The following CNN3 variants were observed in gnomAD, a reference collection of about 807,000 sequenced individuals.
CNN3 encodes the protein calponin-3.
A neutral mutation model predicts 39.0 loss-of-function variants in CNN3; 11 were observed. The ratio of observed to expected loss-of-function variants is 0.28; its 90% CI spans 0.18 to 0.47. The LOEUF is 0.47. CNN3 is among the 20% of genes least tolerant of loss of function. CNN3 has a pLI of 0.99. For missense variants in CNN3, 266 were observed against 403.4 expected, an observed-to-expected ratio of 0.66 and a Z score of 2.92; for synonymous variants, 101 against 138.3, an observed-to-expected ratio of 0.73 and a Z score of 1.89.
chr1:94,902,458 C>T (rs1250193590), intron 3 of CNN3, among the ~76,000 whole-genome samples, 200 bp from the exon 4 acceptor site: 1 of 152,174 alleles, frequency 6.6e-6, no homozygotes, highest in Non-Finnish European at 1.5e-5. Context: ...CTGTGGGTCA[C>T]ATCACAGTCT....
chr1:94,907,784 C>T (rs556549396), intron 1 of CNN3, among the ~76,000 whole-genome samples: 26 of 152,270 alleles, frequency 1.7e-4, no homozygotes, highest in Middle Eastern at 6.8e-3. Flanking sequence ...GGTGTGAACC[C>T]GGGAGGCGGG....
chr1:94,917,099 C>T (rs993377078), intron 1 of CNN3, among the ~76,000 whole-genome samples: 10 of 152,108 alleles, frequency 6.6e-5, no homozygotes, highest in Admixed American at 1.3e-4. Flanking sequence ...TGCAATGGCG[C>T]GATCTTGGCT....
At chr1:94,923,150 G>A (rs1006833844) in intron 1 of CNN3, among the ~76,000 whole-genome samples, 6 of 152,136 alleles carry the variant, frequency 3.9e-5, no homozygotes, top group Admixed American at 1.3e-4. Flanking sequence ...CCAACTTTAC[G>A]GGAAACTACC....
Position 94,903,179 on chromosome 1 carries a change from G to C in CNN3, c.189C>G (p.Asn63Lys). 1 of 1,612,830 alleles carries C rather than the reference G, an allele frequency of 6.2e-7. No individual in the cohort carries two copies. Among genetic ancestry groups the C allele is most frequent in the Non-Finnish European group, 8.5e-7 (1 of 1,179,460 alleles). ...TCTTCACTGAGCCTGGCTGTAGCTT[G>C]TTTATAAGTCTGAAAAGAAAAATAT... ...KDGIILCELI[N>K]KLQPGSVKKV... The change falls in exon 3 of 7, where the codon AAC becomes AAG. Residue 63 changes from asparagine to lysine, a missense_variant. Transcript: ENST00000370206.
chr1:94,903,474 T>C lies in CNN3; in HGVS notation c.108A>G (p.Ile36Met). ...HQAEEDLRNW[I>M]EEVTGMSIGP... ...CAATGCTCATGCCTGTCACCTCTTC[T>C]ATCCAATTGCGAAGATCTTCTTCTG... Residue 36 changes from isoleucine to methionine, a missense_variant, in exon 2 of 7, where the codon ATA becomes ATG. Transcript: ENST00000370206. The C allele has an allele frequency of 1.9e-6, 3 of 1,613,812 alleles. No individual in the cohort carries two copies. Among genetic ancestry groups the C allele is most frequent in the Non-Finnish European group, 2.5e-6 (3 of 1,179,856 alleles).
At chr1:94,904,239 G>A (rs752195966) in intron 1 of CNN3, among the ~76,000 whole-genome samples, 1 of 151,852 alleles carries the variant, frequency 6.6e-6, no homozygotes, top group Non-Finnish European at 1.5e-5. Context: ...AAAAATAAAG[G>A]CCAACTTACC....
At position 94,927,027 on chromosome 1, in the gene CNN3, G is replaced by T; in HGVS notation, c.-133C>A. On this transcript the variant is annotated 5_prime_UTR_variant, in exon 1 of 7. Transcript: ENST00000370206. The stretch of plus-strand genomic sequence containing the variant: ...CCCTCCTCTGGGAGGCGCAGGAGAC[G>T]GCCGCGGGGCGCGGGCGGTGCCTGG... 3.1e-6 allele frequency: 3 copies of T among 976,480 alleles called. No individual in the cohort carries two copies. The highest frequency in any genetic ancestry group is 1.7e-5 in the South Asian group (1 of 60,440). The allele number at this position is 976,480 out of a possible 1,614,324, so 60.5% of individuals were successfully genotyped here.
At chr1:94,917,367 ATAAT>A (rs1671312366) in intron 1 of CNN3, among the ~76,000 whole-genome samples, 1 of 152,140 alleles carries the variant, frequency 6.6e-6, no homozygotes, top group African/African-American at 2.4e-5. Context: ...CTATTATCAA[ATAAT>A]TTGTGGAAAA....
intron 5 of CNN3, among the ~76,000 whole-genome samples, chr1:94,900,447 C>G (rs1290888596): frequency 6.6e-6 from 1 of 152,126 alleles, no homozygotes; most frequent in Non-Finnish European, 1.5e-5. Context: ...TTTTAAAAAT[C>G]CATACTGACC....
At chr1:94,905,553 T>C (rs1473185269) in intron 1 of CNN3, among the ~76,000 whole-genome samples, 1 of 152,168 alleles carries the variant, frequency 6.6e-6, no homozygotes, top group East Asian at 1.9e-4. Flanking sequence ...TCTTGATCCT[T>C]TGCACCCTTT....
chr1:94,898,370 TG>T (rs922937257), intron 6 of CNN3, among the ~76,000 whole-genome samples: 1 of 152,172 alleles, frequency 6.6e-6, no homozygotes, highest in Non-Finnish European at 1.5e-5. Context: ...TTTCTCAAAC[TG>T]CAAAATGGAG....
At chr1:94,905,404 G>A (rs1272798074) in intron 1 of CNN3, among the ~76,000 whole-genome samples, 2 of 152,074 alleles carry the variant, frequency 1.3e-5, no homozygotes, top group East Asian at 3.9e-4. Flanking sequence ...AGATCCCCTG[G>A]CACATAATCA....
In CNN3 at chr1:94,902,117, G is replaced by T. The variant is rs377466905; in HGVS notation, c.384+4C>A. Reference sequence around the variant, plus strand: ...TTAACCAGCCATTAAAGACATGTACGTACCAGACCTGCTAGAGCCACCAGA... The same window carrying T: ...TTAACCAGCCATTAAAGACATGTACTTACCAGACCTGCTAGAGCCACCAGA... On this transcript the variant is annotated splice_donor_region_variant and intron_variant, in intron 4 of 6. Transcript: ENST00000370206. 1 of 1,608,648 alleles carries T rather than the reference G, an allele frequency of 6.2e-7. No homozygotes were observed.
chr1:94,902,467 C>CT (rs1670894217), intron 3 of CNN3, among the ~76,000 whole-genome samples: 1 of 152,122 alleles, frequency 6.6e-6, no homozygotes, highest in Admixed American at 6.6e-5. Context: ...ACATCACAGT[C>CT]TTAATATTTT....
At chr1:94,901,282 A>G (rs914589524) in intron 5 of CNN3, among the ~76,000 whole-genome samples, 57 of 151,488 alleles carry the variant, frequency 3.8e-4, no homozygotes, top group South Asian at 1.5e-3. Context: ...TGAACCCAGG[A>G]GGTGGAGGTT....
At chr1:94,904,666 G>A (rs1461341851) in intron 1 of CNN3, among the ~76,000 whole-genome samples, 1 of 152,040 alleles carries the variant, frequency 6.6e-6, no homozygotes, top group Non-Finnish European at 1.5e-5. Context: ...AAGATCACTT[G>A]AGCCCACGAG....
chr1:94,926,495 G>A lies in CNN3; in HGVS notation c.57+343C>T, dbSNP rs1297491794. On this transcript the variant is annotated intron_variant, in intron 1 of 6. Transcript: ENST00000370206. The surrounding 1 kb of genome is among the most constrained non-coding windows in gnomAD (Gnocchi z 4.2). ...TAAGGGCGAGTGGCCACGCAGGAGCGCCCCCTTCCCGGAGGGCGCGTTCTG... is the reference window on the plus strand; with the variant it reads ...TAAGGGCGAGTGGCCACGCAGGAGCACCCCCTTCCCGGAGGGCGCGTTCTG... Among the ~76,000 whole-genome samples, 1 of 152,158 alleles carries A rather than the reference G, an allele frequency of 6.6e-6. No homozygotes were observed. Among genetic ancestry groups the A allele is most frequent in the Non-Finnish European group, 1.5e-5 (1 of 68,016 alleles).
At chr1:94,923,202 G>C (rs1246570587) in intron 1 of CNN3, among the ~76,000 whole-genome samples, 1 of 152,148 alleles carries the variant, frequency 6.6e-6, no homozygotes, top group Non-Finnish European at 1.5e-5. Flanking sequence ...TGCTTCCCTT[G>C]AGTACCTGTT....
chr1:94,924,169 C>G (rs1377214077), intron 1 of CNN3: 1 of 152,224 alleles, frequency 6.6e-6, no homozygotes, highest in Non-Finnish European at 1.5e-5. Flanking sequence ...TTTGTATATA[C>G]CCACCTTTCA....
Sources: allele counts gnomAD v4.1 joint callset (sites outside exome capture counted in the v4.1 genomes callset), GRCh38; gene constraint gnomAD v4.1.1; non-coding constraint Gnocchi (gnomAD v3.1); transcripts MANE v1.5; gene names NCBI Gene and HGNC (gene_info 2026-07-23, HGNC 2026-07-21).